Variants in DMD observed in about 807,000 individuals in gnomAD.
DMD encodes dystrophin, also known as mutant dystrophin.
Under a neutral mutation model 330.1 loss-of-function variants are expected in DMD, and 63 were observed. That is an observed-to-expected ratio of 0.19 (90% CI 0.16 to 0.24). The LOEUF (loss-of-function observed/expected upper bound fraction) is 0.24, where lower values mean the gene tolerates loss of function less well. Ranked by LOEUF, DMD falls within the 10% of genes least tolerant of loss-of-function variation. DMD has a pLI of 1.00. For synonymous variants in DMD, 1,223 were observed against 959.8 expected, an observed-to-expected ratio of 1.27 and a Z score of -5.07; for missense variants, 3,344 against 2,684.1, an observed-to-expected ratio of 1.25 and a Z score of -5.43.
At chrX:32,746,674 A>T (rs964722151) in intron 7 of DMD, among the ~76,000 whole-genome samples, 1 of 112,227 alleles carries the variant, frequency 8.9e-6, no homozygotes, top group Non-Finnish European at 1.9e-5. Context: ...CATATCCATT[A>T]CCTCAAATAT....
chrX:32,666,156 A>C (rs751991479), intron 9 of DMD, among the ~76,000 whole-genome samples: 124 of 111,348 alleles, frequency 1.1e-3, no homozygotes, highest in African/African-American at 4.0e-3. Context: ...AAATATGACA[A>C]GGACAGTACA....
intron 60 of DMD, among the ~76,000 whole-genome samples, chrX:31,364,024 C>T (rs1223283332): frequency 8.9e-6 from 1 of 112,594 alleles, no homozygotes; most frequent in African/African-American, 3.2e-5. Context: ...AGTTAACAGT[C>T]CCGAGTTATA....
intron 55 of DMD, among the ~76,000 whole-genome samples, chrX:31,625,465 A>T (rs2078786155): frequency 8.9e-6 from 1 of 111,918 alleles, no homozygotes; most frequent in Non-Finnish European, 1.9e-5. Flanking sequence ...GAGTAGCCTG[A>T]TCGACACTGG....
At chrX:32,800,753 T>C (rs771951752) in intron 7 of DMD, among the ~76,000 whole-genome samples, 34 of 110,440 alleles carry the variant, frequency 3.1e-4, no homozygotes, top group Admixed American at 9.8e-4. Context: ...ACTGCATCCA[T>C]GTCTTCTGGT....
At chrX:33,316,854 G>T (rs1168567825) in intron 1 of DMD, among the ~76,000 whole-genome samples, 1 of 110,741 alleles carries the variant, frequency 9.0e-6, no homozygotes, top group Non-Finnish European at 1.9e-5. Flanking sequence ...ATCCATGAAT[G>T]CAATATATCC....
At chrX:32,999,323 A>G (rs1425494470) in intron 2 of DMD, among the ~76,000 whole-genome samples, 1 of 111,538 alleles carries the variant, frequency 9.0e-6, no homozygotes, top group Non-Finnish European at 1.9e-5. Context: ...CTCATCATCT[A>G]TCATTAGTGT....
intron 7 of DMD, 95 bp from the exon 8 acceptor site, chrX:32,699,388 G>T (rs984178234): frequency 2.8e-6 from 2 of 708,024 alleles, no homozygotes; most frequent in East Asian, 3.3e-5. Context: ...GAAGACGATA[G>T]ATTAATGAAC....
intron 12 of DMD, among the ~76,000 whole-genome samples, chrX:32,609,946 C>A (rs758522302): frequency 9.0e-6 from 1 of 110,865 alleles, no homozygotes; most frequent in South Asian, 3.8e-4. Context: ...TCTCACTGTG[C>A]CAGGAGACAA....
chrX:31,567,263 T>G (rs1036491725), intron 55 of DMD, among the ~76,000 whole-genome samples: 16 of 111,350 alleles, frequency 1.4e-4, no homozygotes, highest in African/African-American at 4.9e-4. Flanking sequence ...TAAAAAAGAG[T>G]AGTGAAATTG....
At chrX:32,818,684 C>G (rs1161929218) in intron 5 of DMD, among the ~76,000 whole-genome samples, 1 of 111,564 alleles carries the variant, frequency 9.0e-6, no homozygotes, top group African/African-American at 3.3e-5. Context: ...TGGAGGTGCA[C>G]CACCAAGATT....
At chrX:31,124,266 C>A (rs1033349060) in intron 78 of DMD, among the ~76,000 whole-genome samples, 9 of 111,944 alleles carry the variant, frequency 8.0e-5, no homozygotes, top group African/African-American at 2.6e-4. Context: ...TCACTAAATA[C>A]CTGCTTTACC....
chrX:32,958,346 A>G (rs1279224471), intron 2 of DMD, among the ~76,000 whole-genome samples: 1 of 111,701 alleles, frequency 9.0e-6, no homozygotes, highest in Non-Finnish European at 1.9e-5. Flanking sequence ...ACTATTGCAC[A>G]TTTTATTTCA....
At chrX:33,324,271 T>G (rs1398905148) in intron 1 of DMD, among the ~76,000 whole-genome samples, 1 of 110,617 alleles carries the variant, frequency 9.0e-6, no homozygotes, top group Non-Finnish European at 1.9e-5. Context: ...GAGCATGTCA[T>G]CAGTGATAAA....
At chrX:31,755,375 C>T (rs1183900822) in intron 51 of DMD, among the ~76,000 whole-genome samples, 6 of 111,739 alleles carry the variant, frequency 5.4e-5, no homozygotes, top group Admixed American at 9.5e-5. Flanking sequence ...ACATTGAATC[C>T]GAAGATTCTA....
intron 1 of DMD, among the ~76,000 whole-genome samples, chrX:33,304,220 A>C (rs955754131): frequency 9.0e-6 from 1 of 111,507 alleles, no homozygotes; most frequent in Middle Eastern, 4.7e-3. Context: ...AAACAGAGAT[A>C]CAGATCAATG....
chrX:31,550,475 C>T lies in DMD; in HGVS notation c.8218-43022G>A, dbSNP rs187662566. On this transcript the variant is annotated intron_variant, in intron 55 of 78. Transcript: ENST00000357033. Reference sequence around the variant, plus strand: ...TCATGACTTCCTTGGATGTCAGTTGCATTTAAATATAGAGTTGCTAATAAT... The same window carrying T: ...TCATGACTTCCTTGGATGTCAGTTGTATTTAAATATAGAGTTGCTAATAAT... Among the ~76,000 whole-genome samples, 16 of 112,179 alleles carry T rather than the reference C, an allele frequency of 1.4e-4. No homozygotes were observed. The East Asian group carries it at 3.6e-3, about 26-fold the overall frequency.
intron 76 of DMD, among the ~76,000 whole-genome samples, chrX:31,142,841 G>A (rs2036238687): frequency 8.9e-6 from 1 of 112,092 alleles, no homozygotes; most frequent in Non-Finnish European, 1.9e-5. Context: ...CATTGTCTCA[G>A]TAAGAACTGT....
chrX:32,815,053 G>A (rs1259814718), intron 6 of DMD, among the ~76,000 whole-genome samples: 2 of 110,849 alleles, frequency 1.8e-5, no homozygotes, highest in Non-Finnish European at 3.8e-5. Flanking sequence ...TCTGTCATAC[G>A]AGAAACAATG....
intron 10 of DMD, among the ~76,000 whole-genome samples, chrX:32,644,698 C>G (rs1015091337): frequency 1.8e-5 from 2 of 110,428 alleles, no homozygotes; most frequent in African/African-American, 6.6e-5. Context: ...TACATCAACT[C>G]AGGAATGTAA....
Sources: gnomAD v4.1 joint callset for allele counts (sites outside exome capture counted in the v4.1 genomes callset) on GRCh38, gnomAD v4.1.1 for gene constraint, MANE v1.5 for transcripts, NCBI Gene and HGNC (gene_info 2026-07-23, HGNC 2026-07-21) for gene names.